Variants in MAP7 observed in about 807,000 individuals in gnomAD.
The protein encoded by MAP7 is microtubule associated protein 7.
MAP7 carries 52 observed loss-of-function variants against 94.8 expected under a neutral mutation model. That is an observed-to-expected ratio of 0.55 (90% confidence interval 0.44 to 0.69). The LOEUF (loss-of-function observed/expected upper bound fraction) is 0.69, where lower values mean the gene tolerates loss of function less well. MAP7 is among the 30% of genes least tolerant of loss of function. MAP7 has a pLI of 0.00. For synonymous variants in MAP7, 350 were observed against 357.0 expected (o/e 0.98, Z 0.22); for missense variants, 940 against 964.6 (o/e 0.97, Z 0.34).
rs774890707 is a variant in MAP7, at chr6:136,431,220, A to G, written c.68-9421T>C. Among the ~76,000 whole-genome samples the G allele has an allele frequency of 4.6e-5, 7 of 152,148 alleles. No homozygotes were observed. In the East Asian group the frequency reaches 7.7e-4, roughly 17 times the overall value. ...TTTCTCTGACTTTTACTGCACTCCA[A>G]TGCAATCTGTCCCACGCTATTTAGC... On this transcript the variant is annotated intron_variant, in intron 1 of 17. Coordinates refer to ENST00000354570, the MANE Select transcript of MAP7 (RefSeq NM_003980.6).
intron 10 of MAP7, among the ~76,000 whole-genome samples, chr6:136,365,395 G>A (rs1286821117): frequency 6.6e-6 from 1 of 152,184 alleles, no homozygotes; most frequent in Non-Finnish European, 1.5e-5. Flanking sequence ...ACATTTCTAA[G>A]TAGCATCTGG....
chr6:136,407,150 G>A (rs938777322), intron 3 of MAP7, among the ~76,000 whole-genome samples: 6 of 152,136 alleles, frequency 3.9e-5, no homozygotes, highest in African/African-American at 1.4e-4. Context: ...TTATTTCACT[G>A]AAGATTGTAG....
In MAP7 at chr6:136,508,263, C is replaced by T. The variant is rs12527936; in HGVS notation, c.67+42079G>A. Among the ~76,000 whole-genome samples the T allele has an allele frequency of 0.012, 1,883 of 151,962 alleles. 83 individuals carry two copies. The East Asian group carries it at 0.14, about 11-fold the overall frequency. On this transcript the variant is annotated intron_variant, in intron 1 of 17. Coordinates refer to ENST00000354570, the MANE Select transcript of MAP7 (RefSeq NM_003980.6). ...TCGCTTGAGCCTGGGGAAGTGGAGG[C>T]TGCAGTAAGCCAAGATCACACGACT...
intron 2 of MAP7, among the ~76,000 whole-genome samples, chr6:136,415,303 T>C (rs56733668): frequency 0.031 from 4,697 of 152,286 alleles, 164 homozygotes; most frequent in African/African-American, 0.083. Flanking sequence ...GTAAAAGCCA[T>C]ATGAGCACAT....
chr6:136,363,507 T>C (rs569135989), intron 10 of MAP7, among the ~76,000 whole-genome samples: 16 of 152,370 alleles, frequency 1.1e-4, no homozygotes, highest in African/African-American at 3.8e-4. Context: ...CTAGCCCTTC[T>C]TTCCTTCCTT....
intron 1 of MAP7, chr6:136,466,777 T>C (rs1161100116): frequency 1.1e-5 from 17 of 1,535,264 alleles, no homozygotes; most frequent in Non-Finnish European, 1.5e-5. Flanking sequence ...GTTTAGTGTC[T>C]TCCATGCTAA....
At chr6:136,457,535 C>A (rs552606638) in intron 1 of MAP7, among the ~76,000 whole-genome samples, 2 of 152,126 alleles carry the variant, frequency 1.3e-5, no homozygotes, top group South Asian at 2.1e-4. Flanking sequence ...AGGCCAATAA[C>A]CCTGATGAAG....
intron 1 of MAP7, among the ~76,000 whole-genome samples, chr6:136,500,181 G>T (rs1192597638): frequency 1.3e-5 from 2 of 152,108 alleles, no homozygotes; most frequent in Non-Finnish European, 2.9e-5. Context: ...ATTATTGTGA[G>T]GATTAAAATT....
At position 136,516,395 on chromosome 6, in the gene MAP7, T is replaced by C. The variant is rs113471277; in HGVS notation, c.67+33947A>G. Among the ~76,000 whole-genome samples, 1,173 of 152,216 alleles carry C rather than the reference T, an allele frequency of 7.7e-3. 20 individuals are homozygous for C. Among genetic ancestry groups the C allele is most frequent in the African/African-American group, 0.026 (1,091 of 41,520 alleles). On this transcript the variant is annotated intron_variant, in intron 1 of 17. Coordinates refer to ENST00000354570, the MANE Select transcript of MAP7 (RefSeq NM_003980.6). ...CTGTTCTTGAACTCCTGGGCTCAAA[T>C]GATCCTCCCACCTTGGCCTCCCAAA...
At chr6:136,452,198 AAAAC>A (rs1801346008) in intron 1 of MAP7, among the ~76,000 whole-genome samples, 2 of 130,038 alleles carry the variant, frequency 1.5e-5, no homozygotes, top group African/African-American at 7.8e-5. Flanking sequence ...CGTCTCAAAC[AAAAC>A]AAAACAAAAC....
chr6:136,444,495 G>T (rs1798757087), intron 1 of MAP7, among the ~76,000 whole-genome samples: 1 of 152,180 alleles, frequency 6.6e-6, no homozygotes, highest in Non-Finnish European at 1.5e-5. Context: ...TCAACACAAG[G>T]CACTGATGCT....
At chr6:136,549,863 G>T (rs1403698444) in intron 1 of MAP7, among the ~76,000 whole-genome samples, 2 of 152,176 alleles carry the variant, frequency 1.3e-5, no homozygotes, top group Non-Finnish European at 2.9e-5. Flanking sequence ...CACCGACCCC[G>T]CTGAGGAGCC....
intron 1 of MAP7, among the ~76,000 whole-genome samples, chr6:136,453,535 C>G (rs1023086892): frequency 2.6e-5 from 4 of 152,160 alleles, no homozygotes; most frequent in African/African-American, 7.2e-5. Context: ...AGGGTTGTGG[C>G]AGTGGTCAGG....
At chr6:136,385,732 C>A (rs759473510) in intron 5 of MAP7, among the ~76,000 whole-genome samples, 1 of 151,954 alleles carries the variant, frequency 6.6e-6, no homozygotes, top group Non-Finnish European at 1.5e-5. Flanking sequence ...TTTTTCTCAC[C>A]GAACAAAACA....
chr6:136,489,675 G>A (rs561955683), intron 1 of MAP7, among the ~76,000 whole-genome samples: 3 of 151,786 alleles, frequency 2.0e-5, no homozygotes, highest in East Asian at 1.9e-4. Flanking sequence ...CTACAGGCAC[G>A]TGCCACCACA....
chr6:136,550,206 G>A lies in MAP7; in HGVS notation c.67+136C>T. 1 of 619,036 alleles carries A rather than the reference G, an allele frequency of 1.6e-6. No homozygotes were observed. The highest frequency in any genetic ancestry group is 2.2e-6 in the Non-Finnish European group (1 of 446,562). The allele number at this position is 619,036 out of a possible 1,614,324, so 38.3% of individuals were successfully genotyped here. ...CTCGGAGCAGGGTGCGCGGCGCGCA[G>A]GGCCGGTTGTTCCGGGCCGCGGCCG... On this transcript the variant is annotated intron_variant, in intron 1 of 17. Transcript: ENST00000354570. This position sits in a 1 kb window ranked among gnomAD's most constrained non-coding sequence, Gnocchi z 5.1.
chr6:136,545,509 C>G (rs534557819), intron 1 of MAP7: 5 of 152,140 alleles, frequency 3.3e-5, no homozygotes, highest in Non-Finnish European at 7.3e-5. Flanking sequence ...CAACACTTCC[C>G]CCACTACCCT....
chr6:136,366,505 A>C, intron 8 of MAP7, 66 bp from the exon 9 acceptor site: 24 of 1,063,412 alleles, frequency 2.3e-5, no homozygotes, highest in Non-Finnish European at 3.4e-5. Context: ...CACAATACTC[A>C]ACAGTGGAGC....
At chr6:136,456,792 G>GAAA (rs1803135037) in intron 1 of MAP7, among the ~76,000 whole-genome samples, 1 of 73,178 alleles carries the variant, frequency 1.4e-5, no homozygotes, top group African/African-American at 4.2e-5. Context: ...AGAAGAAGAA[G>GAAA]AAGAAGAAGA....
Sources: allele counts gnomAD v4.1 joint callset (sites outside exome capture counted in the v4.1 genomes callset), GRCh38; gene constraint gnomAD v4.1.1; non-coding constraint Gnocchi (gnomAD v3.1); transcripts MANE v1.5; gene names NCBI Gene and HGNC (gene_info 2026-07-23, HGNC 2026-07-21).